Variants in MED25 observed in about 807,000 individuals in gnomAD.
The protein encoded by MED25 is mediator complex subunit 25, also known as mediator of RNA polymerase II transcription subunit 25.
Under a neutral mutation model 89.4 loss-of-function variants are expected in MED25, and 62 were observed. The observed-to-expected ratio is 0.69, with a 90% CI of 0.57 to 0.86. MED25 has a LOEUF of 0.86. MED25 is among the 40% of genes least tolerant of loss of function. MED25 has a pLI of 0.00. For synonymous variants in MED25, 449 were observed against 427.9 expected, an observed-to-expected ratio of 1.05 and a Z score of -0.61; for missense variants, 905 against 1,005.2, an observed-to-expected ratio of 0.90 and a Z score of 1.35.
chr19:49,822,387 G>A (rs957582357), intron 3 of MED25, among the ~76,000 whole-genome samples: 4 of 151,718 alleles, frequency 2.6e-5, no homozygotes, highest in African/African-American at 9.7e-5. Context: ...TGGAGAGATC[G>A]CACCACTGCG....
rs1346831161 is a variant in MED25, at chr19:49,834,876, A to G, written c.1483-110A>G. 4.8e-5 allele frequency: 54 copies of G among 1,129,338 alleles called. 1 individual carries two copies. The highest frequency in any genetic ancestry group is 6.5e-5 in the Non-Finnish European group (49 of 750,786). 70.0% of individuals were successfully genotyped at this position (1,129,338 alleles called of 1,614,324 possible). A position where few individuals can be genotyped will look rare whatever the true frequency, so the allele number is the denominator to read the frequency against. On this transcript the variant is annotated intron_variant, in intron 13 of 17. Coordinates refer to ENST00000312865, the MANE Select transcript of MED25 (RefSeq NM_030973.4). This position sits in a 1 kb window ranked among gnomAD's most constrained non-coding sequence, Gnocchi z 4.1. ...TTCTCCTTAACCTTCTATAGCAGAA[A>G]CCTCACCTCACCTTGCCTGTGGGGC...
Position 49,836,889 on chromosome 19 carries a change from A to C in MED25, c.2189A>C (p.Gln730Pro). The change falls in exon 18 of 18, where the codon CAG (glutamine) becomes CCG (proline). Residue 730 changes from glutamine to proline, a missense_variant. Coordinates refer to ENST00000312865, the MANE Select transcript of MED25 (RefSeq NM_030973.4). The surrounding 1 kb of genome is among the most constrained non-coding windows in gnomAD (Gnocchi z 5.1). ...GGGGGTCCCCGGGGCCCGGTCCCCC[A>C]GCCGGGCCTGCAGCCCAGCGTCATG... Reference protein sequence around the residue: ...LSGGPRGPVPQPGLQPSVMED... With the variant: ...LSGGPRGPVPPPGLQPSVMED... The C allele has an allele frequency of 6.2e-7, 1 of 1,612,722 alleles. No homozygotes were observed. The highest frequency in any genetic ancestry group is 8.5e-7 in the Non-Finnish European group (1 of 1,179,780).
chr19:49,828,208 G>A (rs2074027620), intron 3 of MED25, among the ~76,000 whole-genome samples: 4 of 149,526 alleles, frequency 2.7e-5, no homozygotes, highest in Admixed American at 2.0e-4. Flanking sequence ...CAGCCTGGGC[G>A]ACAGAGCGAG....
rs1384662126 is a variant in MED25 at position 49,836,899 on chromosome 19, G to C, written c.2199G>C (p.Leu733=). The change falls in exon 18 of 18, where the codon CTG becomes CTC. Residue 733 remains leucine (L), a synonymous_variant. Coordinates refer to ENST00000312865, the MANE Select transcript of MED25 (RefSeq NM_030973.4). The surrounding 1 kb of genome is among the most constrained non-coding windows in gnomAD (Gnocchi z 5.1). ...GGGGCCCGGTCCCCCAGCCGGGCCT[G>C]CAGCCCAGCGTCATGGAGGACGACA... ...GPRGPVPQPG[L]QPSVMEDDIL... 6.2e-7 allele frequency: 1 copy of C among 1,612,762 alleles called. No individual in the cohort carries two copies. Among genetic ancestry groups the C allele is most frequent in the African/African-American group, 1.3e-5 (1 of 74,922 alleles).
At position 49,829,096 on chromosome 19, in the gene MED25, G is replaced by A. The variant is rs1012023208; in HGVS notation, c.525+6G>A. 1 of 1,613,030 alleles carries A rather than the reference G, an allele frequency of 6.2e-7. No homozygotes were observed. Among genetic ancestry groups the A allele is most frequent in the Admixed American group, 1.7e-5 (1 of 59,894 alleles). The stretch of plus-strand genomic sequence containing the variant: ...TTGTGCAGCAGATTGGGGAGGTGAG[G>A]ACTCCAGGGTCTGAGGGACGAGGGT... On this transcript the variant is annotated splice_donor_region_variant and intron_variant, in intron 5 of 17. Coordinates refer to ENST00000312865, the MANE Select transcript of MED25 (RefSeq NM_030973.4). The surrounding 1 kb of genome is among the most constrained non-coding windows in gnomAD (Gnocchi z 4.6).
chr19:49,826,879 G>T (rs113612367), intron 3 of MED25, among the ~76,000 whole-genome samples: 24 of 152,262 alleles, frequency 1.6e-4, no homozygotes, highest in African/African-American at 5.3e-4. Flanking sequence ...AGGAGAGATG[G>T]ACGGGGTGCA....
intron 3 of MED25, among the ~76,000 whole-genome samples, chr19:49,826,788 A>G (rs180703673): frequency 1.7e-3 from 265 of 152,312 alleles, no homozygotes; most frequent in Admixed American, 2.9e-3. Flanking sequence ...CCGGGCCGGA[A>G]TGGGTGTGTT....
intron 3 of MED25, 27 bp from the exon 4 acceptor site, chr19:49,828,422 T>G (rs76743844): frequency 8.5e-6 from 3 of 352,908 alleles, no homozygotes; most frequent in Non-Finnish European, 7.8e-6. Flanking sequence ...ATGGCAACCC[T>G]GGGGGCTGAC....
In MED25 at chr19:49,836,286, C is replaced by G. The variant is rs1263091655; in HGVS notation, c.2026C>G (p.Pro676Ala). Residue 676 changes from proline to alanine, a missense_variant, in exon 17 of 18, where the codon CCT becomes GCT. This residue lies in a region of MED25 where 271 missense variants were observed against 258.1 expected (regional missense o/e 1.05). Coordinates refer to ENST00000312865, the MANE Select transcript of MED25 (RefSeq NM_030973.4). The surrounding 1 kb of genome is among the most constrained non-coding windows in gnomAD (Gnocchi z 5.1). ...SLHHLQPPGA[P>A]ALLPPPHQGL... Reference sequence around the variant, plus strand: ...CCACCACCTCCAGCCACCAGGGGCTCCTGCGCTGCTGCCTCCGCCGCACCA... The same window carrying G: ...CCACCACCTCCAGCCACCAGGGGCTGCTGCGCTGCTGCCTCCGCCGCACCA... 4 of 1,612,298 alleles carry G rather than the reference C, an allele frequency of 2.5e-6. No homozygotes were observed. Among genetic ancestry groups the G allele is most frequent in the Non-Finnish European group, 3.4e-6 (4 of 1,179,686 alleles).
chr19:49,831,878 C>T lies in MED25; in HGVS notation c.1231-58C>T, dbSNP rs1600327053. 5.3e-6 allele frequency: 8 copies of T among 1,502,764 alleles called. No individual in the cohort carries two copies. The African/African-American group carries it at 6.9e-5, about 13-fold the overall frequency. The allele number at this position is 1,502,764 out of a possible 1,614,324, so 93.1% of individuals were successfully genotyped here. On this transcript the variant is annotated intron_variant, in intron 10 of 17. Coordinates refer to ENST00000312865, the MANE Select transcript of MED25 (RefSeq NM_030973.4). This position sits in a 1 kb window ranked among gnomAD's most constrained non-coding sequence, Gnocchi z 5.0. Reference sequence around the variant, plus strand: ...GGGCTACCAGGGTAGGACATGAGGGCTCAAGGGGACTGAGGCTTATGGCCC... The same window carrying T: ...GGGCTACCAGGGTAGGACATGAGGGTTCAAGGGGACTGAGGCTTATGGCCC...
rs777868280 is a variant in MED25, at chr19:49,836,496, TAA to T, written c.2146+92_2146+93del. 6.9e-7 allele frequency: 1 copy of T among 1,449,096 alleles called. No individual in the cohort carries two copies. Among genetic ancestry groups the T allele is most frequent in the South Asian group, 1.2e-5 (1 of 81,776 alleles). The allele number at this position is 1,449,096 out of a possible 1,614,324, so 89.8% of individuals were successfully genotyped here. A position where few individuals can be genotyped will look rare whatever the true frequency, so the allele number is the denominator to read the frequency against. Reference sequence around the variant, plus strand: ...ACCAAGACCGAGTGCTCCTGGGAAGTAAAGACATAGGATCCAAGAATGAGGGT... The same window carrying T: ...ACCAAGACCGAGTGCTCCTGGGAAGTAGACATAGGATCCAAGAATGAGGGT... On this transcript the variant is annotated intron_variant, in intron 17 of 17. Transcript: ENST00000312865. The surrounding 1 kb of genome is among the most constrained non-coding windows in gnomAD (Gnocchi z 5.1).
intron 3 of MED25, among the ~76,000 whole-genome samples, chr19:49,824,637 C>T (rs569617805): frequency 6.6e-6 from 1 of 151,752 alleles, no homozygotes; most frequent in African/African-American, 2.4e-5. Flanking sequence ...CAGTGTGTTT[C>T]CCATAACATT....
rs1166792631 is a variant in MED25 at position 49,831,322 on chromosome 19, C to G, written c.1102-11C>G. On this transcript the variant is annotated splice_polypyrimidine_tract_variant and intron_variant, in intron 9 of 17. Coordinates refer to ENST00000312865, the MANE Select transcript of MED25 (RefSeq NM_030973.4). The surrounding 1 kb of genome is among the most constrained non-coding windows in gnomAD (Gnocchi z 5.0). ...CCCATTCTCATGGCCCTCCTTCCTC[C>G]CCTCTGGCAGGCAGGCACTGTGGCC... 6.2e-7 allele frequency: 1 copy of G among 1,609,450 alleles called. No homozygotes were observed. The highest frequency in any genetic ancestry group is 8.5e-7 in the Non-Finnish European group (1 of 1,178,460).
At chr19:49,828,653 G>T (rs2074031936) in intron 4 of MED25, 106 bp downstream of exon 4, 1 of 1,034,008 alleles carries the variant, frequency 9.7e-7, no homozygotes, top group Middle Eastern at 2.0e-4. Context: ...TAGGGCATGG[G>T]CTCTGTGTCC....
chr19:49,821,259 T>A (rs950269507), intron 3 of MED25, among the ~76,000 whole-genome samples: 5 of 152,116 alleles, frequency 3.3e-5, no homozygotes, highest in African/African-American at 1.2e-4. Flanking sequence ...AGGGACCCAA[T>A]AGAGAGAGCA....
chr19:49,836,355 C>A lies in MED25; in HGVS notation c.2095C>A (p.Pro699Thr). The stretch of plus-strand genomic sequence containing the variant: ...GTTGGGGCCCCCACTCCTGCATCCA[C>A]CACCTGCCCAGTCCTGGCCCGCACA... ...PQLGPPLLHP[P>T]PAQSWPAQLP... The change falls in exon 17 of 18, where the codon CCA (proline) becomes ACA (threonine). Residue 699 changes from proline to threonine, a missense_variant. Transcript: ENST00000312865. The surrounding 1 kb of genome is among the most constrained non-coding windows in gnomAD (Gnocchi z 5.1). The A allele has an allele frequency of 6.2e-7, 1 of 1,608,930 alleles. No homozygotes were observed. The highest frequency in any genetic ancestry group is 8.5e-7 in the Non-Finnish European group (1 of 1,178,084).
In MED25 at chr19:49,836,108, C is replaced by T; in HGVS notation, c.1966-118C>T. 3 of 1,515,776 alleles carry T rather than the reference C, an allele frequency of 2.0e-6. No homozygotes were observed. Among genetic ancestry groups the T allele is most frequent in the South Asian group, 1.2e-5 (1 of 84,516 alleles). 93.9% of individuals were successfully genotyped at this position (1,515,776 alleles called of 1,614,324 possible). On this transcript the variant is annotated intron_variant, in intron 16 of 17. Transcript: ENST00000312865. This position sits in a 1 kb window ranked among gnomAD's most constrained non-coding sequence, Gnocchi z 5.1. Reference sequence around the variant, plus strand: ...GACCGCCTCCTCTCCGTCCATCCCCCACCTTTGAAGAAAAACTTCCCCTCA... The same window carrying T: ...GACCGCCTCCTCTCCGTCCATCCCCTACCTTTGAAGAAAAACTTCCCCTCA...
Position 49,836,244 on chromosome 19 carries a change from C to T in MED25, c.1984C>T (p.Pro662Ser). 6.2e-7 allele frequency: 1 copy of T among 1,612,306 alleles called. No homozygotes were observed. The highest frequency in any genetic ancestry group is 8.5e-7 in the Non-Finnish European group (1 of 1,179,766). ...NPPPPQTGVP[P>S]PQASLHHLQP... ...CTCCCAGCCGCAGACTGGGGTGCCC[C>T]CACCCCAGGCCTCCCTCCACCACCT... The change falls in exon 17 of 18, where the codon CCA (proline) becomes TCA (serine). Residue 662 changes from proline to serine, a missense_variant. Pro to Ser is a moderately conservative substitution (Grantham distance 74). This residue lies in a region of MED25 where 271 missense variants were observed against 258.1 expected (regional missense o/e 1.05). Transcript: ENST00000312865. The surrounding 1 kb of genome is among the most constrained non-coding windows in gnomAD (Gnocchi z 5.1).
intron 3 of MED25, among the ~76,000 whole-genome samples, chr19:49,822,600 T>A (rs907255271): frequency 2.7e-5 from 4 of 150,854 alleles, no homozygotes; most frequent in African/African-American, 9.7e-5. Context: ...TGTAATCAAG[T>A]CTTGGAAGTT....
Sources: allele counts gnomAD v4.1 joint callset (sites outside exome capture counted in the v4.1 genomes callset), GRCh38; gene constraint gnomAD v4.1.1; regional missense constraint gnomAD v4.1.1; non-coding constraint Gnocchi (gnomAD v3.1); transcripts MANE v1.5; gene names NCBI Gene and HGNC (gene_info 2026-07-23, HGNC 2026-07-21).